Variants in LYPLAL1 observed in about 807,000 individuals in gnomAD.
LYPLAL1 encodes lysophospholipase like 1, also known as lysophospholipase-like protein 1.
In LYPLAL1, 23 loss-of-function variants were observed where a neutral mutation model predicts 19.7. The ratio of observed to expected loss-of-function variants is 1.17; its 90% CI spans 0.84 to 1.65. The LOEUF is 1.65. LYPLAL1 is among the 40% of genes most tolerant of loss of function. The pLI, the probability that LYPLAL1 is intolerant of heterozygous loss-of-function variation, is 0.00. For synonymous variants in LYPLAL1, 119 were observed against 96.3 expected, an observed-to-expected ratio of 1.24 and a Z score of -1.38; for missense variants, 355 against 279.4, an observed-to-expected ratio of 1.27 and a Z score of -1.93.
At chr1:219,252,145 G>A in the LYPLAL1 span, among the ~76,000 whole-genome samples, 68,164 of 151,884 alleles carry the variant, frequency 0.45, 15,942 homozygotes, top group East Asian at 0.66. Context: ...GTATCCTGAG[G>A]CATTGCTGAA....
the LYPLAL1 span, among the ~76,000 whole-genome samples, chr1:219,307,098 G>C: frequency 1.3e-5 from 2 of 150,982 alleles, no homozygotes; most frequent in African/African-American, 4.9e-5. Context: ...ATCATAAACT[G>C]ACTTTGAAAG....
chr1:219,228,145 G>T, the LYPLAL1 span, among the ~76,000 whole-genome samples: 1 of 152,154 alleles, frequency 6.6e-6, no homozygotes, highest in African/African-American at 2.4e-5. Flanking sequence ...GCTGTTTCTT[G>T]AGAGTGAGAA....
the LYPLAL1 span, among the ~76,000 whole-genome samples, chr1:219,238,479 C>T: frequency 4.5e-4 from 69 of 151,856 alleles, no homozygotes; most frequent in African/African-American, 4.4e-4. Flanking sequence ...GTGATGACCC[C>T]TTTGGAATAA....
Position 219,178,993 on chromosome 1 carries a change from A to G in LYPLAL1, c.92-154A>G, listed in dbSNP as rs541149856. Reference sequence around the variant, plus strand: ...ATTGAGACCTAGTTAGTTAATTCATATTAGTAAGTCAGTTTCTATATGGTT... The same window carrying G: ...ATTGAGACCTAGTTAGTTAATTCATGTTAGTAAGTCAGTTTCTATATGGTT... On this transcript the variant is annotated intron_variant, in intron 1 of 4. Coordinates refer to ENST00000366928, the MANE Select transcript of LYPLAL1 (RefSeq NM_138794.5). 3.9e-5 allele frequency among the ~76,000 whole-genome samples: 6 copies of G among 152,162 alleles called. No homozygotes were observed. The East Asian group carries it at 1.2e-3, about 29-fold the overall frequency.
the LYPLAL1 span, among the ~76,000 whole-genome samples, chr1:219,262,406 C>G: frequency 6.6e-6 from 1 of 151,988 alleles, no homozygotes. Context: ...TGTTATAAAA[C>G]CTTGTTTCAT....
At chr1:219,241,468 T>C in the LYPLAL1 span, among the ~76,000 whole-genome samples, 2 of 152,018 alleles carry the variant, frequency 1.3e-5, no homozygotes, top group Admixed American at 6.6e-5. Flanking sequence ...GACCTAGAAT[T>C]TGGGCATGAG....
the LYPLAL1 span, among the ~76,000 whole-genome samples, chr1:219,263,700 A>G: frequency 6.6e-6 from 1 of 152,096 alleles, no homozygotes; most frequent in East Asian, 1.9e-4. Flanking sequence ...GGGAGTGCCT[A>G]CAGGGCTCTT....
the LYPLAL1 span, among the ~76,000 whole-genome samples, chr1:219,419,800 A>T: frequency 6.6e-6 from 1 of 152,188 alleles, no homozygotes; most frequent in Non-Finnish European, 1.5e-5. Flanking sequence ...ATTAAGGCAG[A>T]TACAGGTAAA....
the LYPLAL1 span, among the ~76,000 whole-genome samples, chr1:219,371,826 T>C: frequency 6.7e-6 from 1 of 150,004 alleles, no homozygotes; most frequent in African/African-American, 2.5e-5. Flanking sequence ...CAGCTGTGAT[T>C]CTGGGACTGC....
the LYPLAL1 span, among the ~76,000 whole-genome samples, chr1:219,419,548 A>AACACACACACAC: frequency 8.6e-4 from 84 of 97,854 alleles, no homozygotes; most frequent in Non-Finnish European, 1.2e-3. Flanking sequence ...GCCCTAGCCC[A>AACACACACACAC]ACACACACAC....
the LYPLAL1 span, among the ~76,000 whole-genome samples, chr1:219,259,991 C>T: frequency 1.6e-4 from 24 of 151,996 alleles, no homozygotes; most frequent in South Asian, 5.0e-3. Flanking sequence ...CTCATTAAAA[C>T]TCAGAAAGTG....
At chr1:219,443,999 T>A in the LYPLAL1 span, among the ~76,000 whole-genome samples, 1 of 151,918 alleles carries the variant, frequency 6.6e-6, no homozygotes, top group Non-Finnish European at 1.5e-5. Context: ...CAGCTTTGGG[T>A]TTTGGGAGGA....
At chr1:219,318,414 CTCT>C in the LYPLAL1 span, among the ~76,000 whole-genome samples, 3 of 149,198 alleles carry the variant, frequency 2.0e-5, no homozygotes, top group Non-Finnish European at 4.5e-5. Flanking sequence ...AAACCATGAT[CTCT>C]TCTTCACATT....
the LYPLAL1 span, among the ~76,000 whole-genome samples, chr1:219,363,764 C>T: frequency 1.3e-5 from 2 of 152,314 alleles, no homozygotes; most frequent in African/African-American, 4.8e-5. Context: ...TGATGGTTGG[C>T]AACCCAGGCC....
chr1:219,354,503 C>T, the LYPLAL1 span, among the ~76,000 whole-genome samples: 2 of 152,108 alleles, frequency 1.3e-5, no homozygotes, highest in Admixed American at 1.3e-4. Flanking sequence ...GTCAAAAATT[C>T]AAATTTGATT....
At chr1:219,406,873 T>C in the LYPLAL1 span, among the ~76,000 whole-genome samples, 2 of 152,162 alleles carry the variant, frequency 1.3e-5, no homozygotes, top group African/African-American at 4.8e-5. Flanking sequence ...GGTAAATTAG[T>C]GGGGAGTGTG....
At chr1:219,192,787 TATACA>T (rs1207721717) in intron 2 of LYPLAL1, among the ~76,000 whole-genome samples, 1 of 151,662 alleles carries the variant, frequency 6.6e-6, no homozygotes, top group Admixed American at 6.6e-5. Flanking sequence ...AGAGCATGAA[TATACA>T]ATGAATGGAT....
chr1:219,270,450 C>T, the LYPLAL1 span, among the ~76,000 whole-genome samples: 1,045 of 152,266 alleles, frequency 6.9e-3, 3 homozygotes, highest in Non-Finnish European at 0.01. Context: ...GTTCCATTTG[C>T]ATAAGGCATG....
the LYPLAL1 span, among the ~76,000 whole-genome samples, chr1:219,432,044 G>C: frequency 5.1e-4 from 78 of 152,328 alleles, no homozygotes; most frequent in Non-Finnish European, 8.4e-4. Context: ...TAATAAAAGA[G>C]ACAAATTTCT....
Sources: allele counts gnomAD v4.1 joint callset (sites outside exome capture counted in the v4.1 genomes callset), GRCh38; gene constraint gnomAD v4.1.1; transcripts MANE v1.5; gene names NCBI Gene and HGNC (gene_info 2026-07-23, HGNC 2026-07-21).